Variants in SREK1 observed in about 807,000 individuals in gnomAD.
The protein encoded by SREK1 is splicing regulatory glutamic acid and lysine rich protein 1, also known as splicing regulatory glutamine/lysine-rich protein 1.
In SREK1, 13 loss-of-function variants were observed where a neutral mutation model predicts 66.5. The ratio of observed to expected loss-of-function variants is 0.20; its 90% CI spans 0.13 to 0.31. SREK1 has a LOEUF of 0.31. Ranked by LOEUF, SREK1 falls within the 10% of genes least tolerant of loss-of-function variation. SREK1 has a pLI of 1.00. For missense variants in SREK1, 607 were observed against 769.6 expected (o/e 0.79, Z 2.50); for synonymous variants, 265 against 263.5 (o/e 1.01, Z -0.05).
chr5:66,158,973 T>C (rs1744508284), intron 2 of SREK1: 20 of 1,346,614 alleles, frequency 1.5e-5, no homozygotes, highest in African/African-American at 7.4e-5. Context: ...GTCTACATTA[T>C]TCAATTTTTA....
intron 1 of SREK1, 44 bp downstream of exon 1, chr5:66,144,581 GA>G: frequency 6.6e-7 from 1 of 1,521,004 alleles, no homozygotes; most frequent in Non-Finnish European, 8.8e-7. Context: ...GGGCGCCATA[GA>G]GACCTCGGGA....
chr5:66,177,504 ATTC>A lies in SREK1; in HGVS notation c.1581-7_1581-5del. On this transcript the variant is annotated splice_polypyrimidine_tract_variant and splice_region_variant and intron_variant, in intron 10 of 11. Transcript: ENST00000334121. ...CTTAGAATTTAACTGACATATCAAT[ATTC>A]TTATAGCAGAAATAAGAAGGATAAA... is the stretch of plus-strand genomic sequence containing the variant. 7 of 1,556,250 alleles carry A rather than the reference ATTC, an allele frequency of 4.5e-6. No individual in the cohort carries two copies. Among genetic ancestry groups the A allele is most frequent in the Non-Finnish European group, 6.1e-6 (7 of 1,151,196 alleles).
rs938235778 is a variant in SREK1 at position 66,154,998 on chromosome 5, C to T, written c.295+1402C>T. 5.9e-5 allele frequency among the ~76,000 whole-genome samples: 9 copies of T among 151,978 alleles called. 1 individual carries two copies. Among genetic ancestry groups the T allele is most frequent in the Middle Eastern group, 6.3e-3 (2 of 316 alleles). ...ATTAATTATATCAGAAAATTAATAC[C>T]ACCAATAACACTGGGTCTTTTATTG... On this transcript the variant is annotated intron_variant, in intron 2 of 11. Transcript: ENST00000334121.
At chr5:66,171,129 G>C (rs141041461) in intron 9 of SREK1, among the ~76,000 whole-genome samples, 182 bp downstream of exon 9, 1 of 152,186 alleles carries the variant, frequency 6.6e-6, no homozygotes, top group South Asian at 2.1e-4. Context: ...ATGATACTGG[G>C]CAACATTATT....
chr5:66,160,978 A>G (rs1455870480), intron 3 of SREK1, among the ~76,000 whole-genome samples: 1 of 152,210 alleles, frequency 6.6e-6, no homozygotes, highest in Admixed American at 6.5e-5. Context: ...TGAAAGTAAA[A>G]ACTGAATTTA....
At position 66,181,830 on chromosome 5, in the gene SREK1, C is replaced by G. The variant is rs1746510776; in HGVS notation, c.*2962C>G. ...CTGCTATGTTGATCTTTGGCAGTGC[C>G]AGAGGCTTAAATTTTGACCTGCTCA... On this transcript the variant is annotated 3_prime_UTR_variant, in exon 12 of 12. Coordinates refer to ENST00000334121, the MANE Select transcript of SREK1 (RefSeq NM_001077199.3). The G allele has an allele frequency of 7.0e-6, 1 of 142,616 alleles. No homozygotes were observed. Among genetic ancestry groups the G allele is most frequent in the African/African-American group, 2.6e-5 (1 of 38,476 alleles). The allele number at this position is 142,616 out of a possible 1,614,324, so 8.8% of individuals were successfully genotyped here. A position where few individuals can be genotyped will look rare whatever the true frequency, so the allele number is the denominator to read the frequency against.
chr5:66,166,443 G>T (rs969177493), intron 7 of SREK1: 4 of 152,080 alleles, frequency 2.6e-5, no homozygotes, highest in Non-Finnish European at 5.9e-5. Flanking sequence ...CAATGTCTGC[G>T]TAGCATTAGA....
intron 7 of SREK1, 62 bp downstream of exon 7, chr5:66,164,959 T>C: frequency 6.8e-7 from 1 of 1,468,482 alleles, no homozygotes; most frequent in Non-Finnish European, 9.2e-7. Flanking sequence ...ATATTAAGAT[T>C]TTATGAGTTT....
At position 66,162,350 on chromosome 5, in the gene SREK1, C is replaced by T. The variant is rs1744844191; in HGVS notation, c.577-64C>T. ...TTCTTAAAAATCATATCAGTGGATA[C>T]AGTAATATTTATCTGATTTTTTAAA... On this transcript the variant is annotated intron_variant, in intron 4 of 11. Transcript: ENST00000334121. 2.5e-6 allele frequency: 4 copies of T among 1,604,552 alleles called. No homozygotes were observed. The South Asian group carries it at 3.3e-5, about 13-fold the overall frequency.
Position 66,144,409 on chromosome 5 carries a change from A to G in SREK1, c.33A>G (p.Leu11=). 1 of 1,550,926 alleles carries G rather than the reference A, an allele frequency of 6.4e-7. No individual in the cohort carries two copies. The highest frequency in any genetic ancestry group is 8.7e-7 in the Non-Finnish European group (1 of 1,146,642). The change falls in exon 1 of 12, where the codon TTA becomes TTG. Residue 11 remains leucine (L), a synonymous_variant. Transcript: ENST00000334121. The stretch of plus-strand genomic sequence containing the variant: ...GCGGCGGCGGCTTCGGTTTGGGCTT[A>G]GGCTTCGGCCTCACCCCCACGTCGG... The part of the protein sequence containing the change: MNSGGGFGLG[L]GFGLTPTSVI...
intron 2 of SREK1, chr5:66,156,555 G>T: frequency 1.0e-6 from 1 of 985,902 alleles, no homozygotes; most frequent in African/African-American, 1.7e-5. Context: ...AACACTTTCT[G>T]ATCTCAGCGC....
chr5:66,177,664 C>T lies in SREK1; in HGVS notation c.1725+6C>T. 6.3e-7 allele frequency: 1 copy of T among 1,586,642 alleles called. No homozygotes were observed. The highest frequency in any genetic ancestry group is 8.5e-7 in the Non-Finnish European group (1 of 1,170,640). On this transcript the variant is annotated splice_donor_region_variant and intron_variant, in intron 11 of 11. Transcript: ENST00000334121. ...AGAACAGTACTTCACTTAAAGTAAGCAGCAGTCATTCGGTGTCTGGCACTT... is the reference window on the plus strand; with the variant it reads ...AGAACAGTACTTCACTTAAAGTAAGTAGCAGTCATTCGGTGTCTGGCACTT...
Position 66,170,849 on chromosome 5 carries a change from C to T in SREK1, c.1386C>T (p.Asp462=), listed in dbSNP as rs769312005. The change falls in exon 9 of 12, where the codon GAC becomes GAT. Residue 462 remains aspartate (D), a synonymous_variant. Transcript: ENST00000334121. ...EQDKEKEREK[D]RSKEIDEKRK... is the part of the protein sequence containing the mutation. ...ACAAAGAAAAGGAACGAGAAAAAGA[C>T]AGATCCAAAGAGATAGATGAAAAAA... is the stretch of plus-strand genomic sequence containing the variant. 1 of 1,613,624 alleles carries T rather than the reference C, an allele frequency of 6.2e-7. No individual in the cohort carries two copies. Among genetic ancestry groups the T allele is most frequent in the Non-Finnish European group, 8.5e-7 (1 of 1,179,888 alleles).
rs1475011090 is a variant in SREK1 at position 66,164,890 on chromosome 5, A to G, written c.994A>G (p.Lys332Glu). 1.9e-6 allele frequency: 3 copies of G among 1,612,168 alleles called. No homozygotes were observed. The highest frequency in any genetic ancestry group is 2.5e-6 in the Non-Finnish European group (3 of 1,178,990). The change falls in exon 7 of 12, where the codon AAA (lysine) becomes GAA (glutamate). Residue 332 changes from lysine (K) to glutamate (E), a missense_variant. Physicochemically the swap from Lys to Glu is moderately conservative, Grantham distance 56. This residue lies in a region of SREK1 where 112 missense variants were observed against 168.6 expected (regional missense o/e 0.66). Transcript: ENST00000334121. ...SHSRRKRSQS[K>E]HRSRSHNRSR... ...TTCTAGAAGGAAAAGATCACAATCAAAACACAGGTGAGAATTTCTGCTGTC... is the reference window on the plus strand; with the variant it reads ...TTCTAGAAGGAAAAGATCACAATCAGAACACAGGTGAGAATTTCTGCTGTC...
In SREK1 at chr5:66,144,385, C is replaced by T. The variant is rs1199208053; in HGVS notation, c.9C>T (p.Ser3=). The T allele has an allele frequency of 1.3e-6, 2 of 1,545,742 alleles. No homozygotes were observed. Among genetic ancestry groups the T allele is most frequent in the Non-Finnish European group, 8.7e-7 (1 of 1,143,178 alleles). Residue 3 remains serine (S), a synonymous_variant, in exon 1 of 12, where the codon AGC becomes AGT. Coordinates refer to ENST00000334121, the MANE Select transcript of SREK1 (RefSeq NM_001077199.3). ...ACGGCAGCGGGATCGGGATGAACAGCGGCGGCGGCTTCGGTTTGGGCTTAG... is the reference window on the plus strand; with the variant it reads ...ACGGCAGCGGGATCGGGATGAACAGTGGCGGCGGCTTCGGTTTGGGCTTAG... MN[S]GGGFGLGLGF...
At position 66,147,858 on chromosome 5, in the gene SREK1, T is replaced by TAAAAGACAAA. The variant is rs1382314910; in HGVS notation, c.161+3322_161+3323insAAAGACAAAA. On this transcript the variant is annotated intron_variant, in intron 1 of 11. Transcript: ENST00000334121. ...ATTGTATAGTGCTATCATTATGTAA[T>TAAAAGACAAA]ATATGTAATATAGCGTAATCAAAGG... 5.4e-4 allele frequency among the ~76,000 whole-genome samples: 81 copies of TAAAAGACAAA among 149,922 alleles called. 2 individuals are homozygous for TAAAAGACAAA. Among genetic ancestry groups the TAAAAGACAAA allele is most frequent in the Non-Finnish European group, 9.5e-4 (63 of 66,474 alleles).
intron 2 of SREK1, 63 bp downstream of exon 2, chr5:66,153,659 T>A: frequency 6.2e-7 from 1 of 1,604,842 alleles, no homozygotes; most frequent in East Asian, 2.2e-5. Context: ...TGCCTTTAGC[T>A]TTCCTAGAGA....
intron 2 of SREK1, chr5:66,158,779 T>C: frequency 7.9e-7 from 1 of 1,269,130 alleles, no homozygotes; most frequent in Non-Finnish European, 1.0e-6. Context: ...TGTTCTTCTT[T>C]TCTGTATCTG....
At chr5:66,150,464 T>G (rs1427385936) in intron 1 of SREK1, among the ~76,000 whole-genome samples, 2 of 152,216 alleles carry the variant, frequency 1.3e-5, no homozygotes, top group East Asian at 1.9e-4. Context: ...ACAGGTATCA[T>G]TTTTGGGTGC....
Sources: allele counts gnomAD v4.1 joint callset (sites outside exome capture counted in the v4.1 genomes callset), GRCh38; gene constraint gnomAD v4.1.1; regional missense constraint gnomAD v4.1.1; transcripts MANE v1.5; gene names NCBI Gene and HGNC (gene_info 2026-07-23, HGNC 2026-07-21).